LRP1B: variants seen among roughly 807,000 people sequenced by gnomAD.
The protein encoded by LRP1B is low-density lipoprotein receptor-related protein 1B.
Under a neutral mutation model 556.6 loss-of-function variants are expected in LRP1B, and 217 were observed. The ratio of observed to expected loss-of-function variants is 0.39; its 90% CI spans 0.35 to 0.44. The LOEUF (loss-of-function observed/expected upper bound fraction) is 0.44, where lower values mean the gene tolerates loss of function less well. LRP1B is among the 20% of genes least tolerant of loss of function. The pLI, the probability that LRP1B is intolerant of heterozygous loss-of-function variation, is 1.00. For synonymous variants in LRP1B, 2,047 were observed against 1,865.8 expected (o/e 1.10, Z -2.50); for missense variants, 5,053 against 5,620.8 (o/e 0.90, Z 3.23).
chr2:141,853,048 A>G (rs1338674786), intron 1 of LRP1B, among the ~76,000 whole-genome samples: 2 of 151,754 alleles, frequency 1.3e-5, no homozygotes, highest in Non-Finnish European at 2.9e-5. Flanking sequence ...TGGAAATTAC[A>G]TGCATATATG....
rs74873328 is a variant in LRP1B at position 140,261,177 on chromosome 2, A to G, written c.13247+9065T>C. Among the ~76,000 whole-genome samples, 1,491 of 151,904 alleles carry G rather than the reference A, an allele frequency of 9.8e-3. 62 individuals carry two copies. The East Asian group carries it at 0.13, about 14-fold the overall frequency. On this transcript the variant is annotated intron_variant, in intron 86 of 90. Coordinates refer to ENST00000389484, the MANE Select transcript of LRP1B (RefSeq NM_018557.3). ...TCTTTGTCTTTTCAGTGTCTACATAAGTATTTTAGAGAAATTTTGGAAAAA... is the reference window on the plus strand; with the variant it reads ...TCTTTGTCTTTTCAGTGTCTACATAGGTATTTTAGAGAAATTTTGGAAAAA...
Position 142,096,777 on chromosome 2 carries a change from G to T in LRP1B, c.82+33871C>A, listed in dbSNP as rs185877593. ...AGGTGCATGTGTGCATTTGTTACCT[G>T]GTATATTGCATAATGATGAAGTTTG... On this transcript the variant is annotated intron_variant, in intron 1 of 90. Coordinates refer to ENST00000389484, the MANE Select transcript of LRP1B (RefSeq NM_018557.3). 2.0e-5 allele frequency among the ~76,000 whole-genome samples: 3 copies of T among 151,534 alleles called. No individual in the cohort carries two copies. In the East Asian group the frequency reaches 5.8e-4, roughly 29 times the overall value.
intron 66 of LRP1B, among the ~76,000 whole-genome samples, chr2:140,427,152 C>T (rs1000559294): frequency 6.6e-5 from 10 of 152,212 alleles, no homozygotes; most frequent in Non-Finnish European, 1.2e-4. Context: ...AGGCAGCCTT[C>T]CCTTGGTGTT....
intron 66 of LRP1B, among the ~76,000 whole-genome samples, chr2:140,396,532 A>G (rs1558853606): frequency 6.6e-6 from 1 of 152,180 alleles, no homozygotes; most frequent in African/African-American, 2.4e-5. Flanking sequence ...CAATTAACAT[A>G]TAACAGAGGG....
intron 1 of LRP1B, among the ~76,000 whole-genome samples, chr2:141,815,078 C>G (rs558428255): frequency 6.6e-6 from 1 of 152,148 alleles, no homozygotes; most frequent in South Asian, 2.1e-4. Context: ...CTGAGGGAAA[C>G]ATACCACTAG....
chr2:140,665,994 A>T (rs796371106), intron 41 of LRP1B, among the ~76,000 whole-genome samples: 11 of 144,292 alleles, frequency 7.6e-5, no homozygotes, highest in Non-Finnish European at 7.6e-5. Context: ...AAAAAAAAAA[A>T]TTTTTTTTTT....
At chr2:140,500,008 T>G (rs1689111085) in intron 55 of LRP1B, among the ~76,000 whole-genome samples, 1 of 151,994 alleles carries the variant, frequency 6.6e-6, no homozygotes, top group Non-Finnish European at 1.5e-5. Flanking sequence ...ATTTCTTTTC[T>G]GCTTCACTGG....
At chr2:140,699,746 T>C (rs192531350) in intron 41 of LRP1B, among the ~76,000 whole-genome samples, 6 of 148,914 alleles carry the variant, frequency 4.0e-5, no homozygotes, top group Non-Finnish European at 7.4e-5. Flanking sequence ...ATCATTTCCA[T>C]AACATTTTCT....
At chr2:141,895,300 G>A (rs7421785) in intron 1 of LRP1B, among the ~76,000 whole-genome samples, 56 of 152,230 alleles carry the variant, frequency 3.7e-4, no homozygotes, top group African/African-American at 1.3e-3. Flanking sequence ...CCATGACATA[G>A]CAGTCAGGCA....
intron 86 of LRP1B, among the ~76,000 whole-genome samples, chr2:140,257,913 A>C (rs1443857239): frequency 6.6e-6 from 1 of 152,184 alleles, no homozygotes; most frequent in African/African-American, 2.4e-5. Flanking sequence ...TCACTGGTCC[A>C]TGTGGAGGAG....
intron 49 of LRP1B, among the ~76,000 whole-genome samples, chr2:140,518,758 G>A (rs1690026237): frequency 6.6e-6 from 1 of 152,118 alleles, no homozygotes; most frequent in African/African-American, 2.4e-5. Flanking sequence ...AAGAATGCTT[G>A]CGATTTTTGC....
chr2:142,043,221 T>C (rs902851527), intron 1 of LRP1B, among the ~76,000 whole-genome samples: 8 of 151,626 alleles, frequency 5.3e-5, no homozygotes, highest in African/African-American at 1.9e-4. Context: ...TCCAGATACA[T>C]CATATTCTGA....
intron 1 of LRP1B, among the ~76,000 whole-genome samples, chr2:142,129,170 A>G (rs1707761386): frequency 6.6e-6 from 1 of 152,224 alleles, no homozygotes; most frequent in African/African-American, 2.4e-5. Flanking sequence ...ATTGTTCCAG[A>G]TCAAAGACAT....
chr2:142,002,509 T>C (rs980341136), intron 1 of LRP1B, among the ~76,000 whole-genome samples: 20 of 151,472 alleles, frequency 1.3e-4, no homozygotes, highest in African/African-American at 4.6e-4. Flanking sequence ...CTTGGTGTGA[T>C]ACCATCAATT....
intron 6 of LRP1B, among the ~76,000 whole-genome samples, chr2:141,221,099 C>G (rs1264272885): frequency 6.6e-6 from 1 of 152,022 alleles, no homozygotes; most frequent in Non-Finnish European, 1.5e-5. Context: ...TTAAAAGATA[C>G]AGAATGGCAA....
At chr2:141,192,151 A>C (rs13025956) in intron 6 of LRP1B, among the ~76,000 whole-genome samples, 56,068 of 151,700 alleles carry the variant, frequency 0.37, 11,638 homozygotes, top group Middle Eastern at 0.57. Context: ...TCTGCTTTTA[A>C]TTTAATTTGT....
At chr2:140,870,765 G>A (rs1318648913) in intron 25 of LRP1B, among the ~76,000 whole-genome samples, 1 of 151,706 alleles carries the variant, frequency 6.6e-6, no homozygotes, top group East Asian at 1.9e-4. Context: ...TATAATCCTT[G>A]AAAATAGCAA....
At chr2:141,677,746 C>T (rs137866439) in intron 2 of LRP1B, among the ~76,000 whole-genome samples, 6,493 of 152,268 alleles carry the variant, frequency 0.043, 183 homozygotes, top group East Asian at 0.094. Context: ...GCCTTGGCCT[C>T]CCAAAGTGCT....
At chr2:141,755,601 G>T (rs2105579502) in intron 2 of LRP1B, among the ~76,000 whole-genome samples, 1 of 152,086 alleles carries the variant, frequency 6.6e-6, no homozygotes. Flanking sequence ...CAACAAGTCA[G>T]CAATATGTTT....
Sources: allele counts gnomAD v4.1 joint callset (sites outside exome capture counted in the v4.1 genomes callset), GRCh38; gene constraint gnomAD v4.1.1; transcripts MANE v1.5; gene names NCBI Gene and HGNC (gene_info 2026-07-23, HGNC 2026-07-21).